Variants in ATP2C1 observed in about 807,000 individuals in gnomAD.
ATP2C1 encodes ATPase secretory pathway Ca2+ transporting 1.
ATP2C1 carries 31 observed loss-of-function variants against 120.5 expected under a neutral mutation model. The observed-to-expected ratio is 0.26, with a 90% confidence interval of 0.19 to 0.35. The LOEUF (loss-of-function observed/expected upper bound fraction) is 0.35. Ranked by LOEUF, ATP2C1 falls within the 10% of genes least tolerant of loss-of-function variation. ATP2C1 has a pLI of 1.00. For missense variants in ATP2C1, 731 were observed against 1,107.5 expected (o/e 0.66, Z 4.83); for synonymous variants, 351 against 358.7 (o/e 0.98, Z 0.24).
At chr3:130,943,947 TGGCTGTG>T (rs2060029146) in intron 8 of ATP2C1, among the ~76,000 whole-genome samples, 1 of 152,228 alleles carries the variant, frequency 6.6e-6, no homozygotes, top group Admixed American at 6.5e-5. Context: ...TGGCTCAGTT[TGGCTGTG>T]GTGATCTTTG....
At chr3:130,941,958 A>G (rs1490907696) in intron 8 of ATP2C1, among the ~76,000 whole-genome samples, 2 of 152,350 alleles carry the variant, frequency 1.3e-5, no homozygotes, top group African/African-American at 4.8e-5. Flanking sequence ...TACAAAGATG[A>G]TATGACAGAA....
At chr3:130,906,965 T>G (rs1010820854) in intron 2 of ATP2C1, among the ~76,000 whole-genome samples, 13 of 152,126 alleles carry the variant, frequency 8.5e-5, no homozygotes, top group Non-Finnish European at 1.8e-4. Context: ...TGTGATGTGC[T>G]TATTGGTTAT....
chr3:130,963,670 G>A, intron 12 of ATP2C1: 1 of 377,694 alleles, frequency 2.6e-6, no homozygotes, highest in South Asian at 2.4e-5. Flanking sequence ...GATGAGGACA[G>A]TAAACTACAG....
intron 11 of ATP2C1, among the ~76,000 whole-genome samples, 181 bp downstream of exon 11, chr3:130,956,360 A>G (rs928214287): frequency 2.6e-5 from 4 of 152,086 alleles, no homozygotes; most frequent in Admixed American, 2.6e-4. Context: ...TAGAACTCTG[A>G]TTCTTGTAAT....
At chr3:130,933,585 C>A (rs1288288399) in intron 4 of ATP2C1, among the ~76,000 whole-genome samples, 1 of 152,164 alleles carries the variant, frequency 6.6e-6, no homozygotes, top group Non-Finnish European at 1.5e-5. Flanking sequence ...TGTGGTTGGT[C>A]AGCCCTGAAC....
chr3:130,990,880 C>T (rs1397389507), intron 20 of ATP2C1, among the ~76,000 whole-genome samples: 2 of 152,120 alleles, frequency 1.3e-5, no homozygotes, highest in African/African-American at 4.8e-5. Flanking sequence ...AGCAACTGCA[C>T]ATATGTACTT....
chr3:130,872,020 C>A, intron 1 of ATP2C1, among the ~76,000 whole-genome samples: 1 of 55,664 alleles, frequency 1.8e-5, no homozygotes, highest in South Asian at 7.6e-4. Context: ...GAAACTCTGT[C>A]TCAAAAAAAA....
chr3:130,855,828 T>A (rs1233431884), intron 1 of ATP2C1: 1 of 152,228 alleles, frequency 6.6e-6, no homozygotes, highest in Non-Finnish European at 1.5e-5. Context: ...CAACTTACAC[T>A]GCCCTTCAGC....
At chr3:130,967,721 ATGTG>A (rs1224638991) in intron 16 of ATP2C1, among the ~76,000 whole-genome samples, 3 of 152,208 alleles carry the variant, frequency 2.0e-5, no homozygotes, top group Non-Finnish European at 4.4e-5. Context: ...TACTTTATAA[ATGTG>A]TGTAATTGCT....
chr3:131,001,111 A>C, intron 27 of ATP2C1, 109 bp from the exon 28 acceptor site: 2 of 845,330 alleles, frequency 2.4e-6, no homozygotes, highest in Non-Finnish European at 3.4e-6. Context: ...TCAGAAAAAA[A>C]AAAAAAAAAA....
At chr3:130,925,294 C>A (rs2059153822) in intron 2 of ATP2C1, among the ~76,000 whole-genome samples, 1 of 152,130 alleles carries the variant, frequency 6.6e-6, no homozygotes, top group South Asian at 2.1e-4. Context: ...CTCCCCTTTC[C>A]CCTAGGAATG....
intron 26 of ATP2C1, among the ~76,000 whole-genome samples, chr3:131,009,446 G>A (rs1164338671): frequency 6.6e-6 from 1 of 152,208 alleles, no homozygotes; most frequent in Non-Finnish European, 1.5e-5. Flanking sequence ...GATTGCATGT[G>A]CATTGTAGCA....
intron 26 of ATP2C1, among the ~76,000 whole-genome samples, chr3:131,010,416 G>T (rs1248853058): frequency 1.3e-5 from 2 of 151,642 alleles, no homozygotes; most frequent in Admixed American, 6.6e-5. Flanking sequence ...GGATGGTCTC[G>T]ATCTCCTGAC....
chr3:130,917,579 C>G (rs2058743140), intron 2 of ATP2C1, among the ~76,000 whole-genome samples: 1 of 152,082 alleles, frequency 6.6e-6, no homozygotes, highest in Non-Finnish European at 1.5e-5. Context: ...TTTATTTTAC[C>G]TCGACATTTA....
At chr3:130,884,023 C>T (rs1392501459) in intron 1 of ATP2C1, among the ~76,000 whole-genome samples, 8 of 147,798 alleles carry the variant, frequency 5.4e-5, no homozygotes, top group African/African-American at 2.0e-4. Flanking sequence ...CTCACTGCAA[C>T]CTCCGCCTCT....
At chr3:130,885,777 T>A (rs2107840837) in intron 1 of ATP2C1, among the ~76,000 whole-genome samples, 1 of 152,314 alleles carries the variant, frequency 6.6e-6, no homozygotes, top group South Asian at 2.1e-4. Context: ...CAATTACAGT[T>A]TGTTTTTGCA....
Position 130,996,105 on chromosome 3 carries a change from T to G in ATP2C1, c.2120T>G (p.Leu707Arg), listed in dbSNP as rs1260078473. The change falls in exon 23 of 28, where the codon CTG (leucine) becomes CGG (arginine). Residue 707 changes from leucine to arginine, a missense_variant. By Grantham distance (102) the Leu-to-Arg change is moderately radical. Around this residue, in one of 3 missense-constraint regions of ATP2C1, gnomAD observed 19 missense variants for 60.0 expected, o/e 0.32. Coordinates refer to ENST00000510168, the MANE Select transcript of ATP2C1 (RefSeq NM_001378687.1). ...NNIKNFVRFQ[L>R]STSIAALTLI... ...ATTAAAAATTTCGTTAGATTCCAGC[T>G]GAGCACGTAAGTTTGCAAGAAATTT... 1 of 1,610,268 alleles carries G rather than the reference T, an allele frequency of 6.2e-7. No individual in the cohort carries two copies. Among genetic ancestry groups the G allele is most frequent in the Non-Finnish European group, 8.5e-7 (1 of 1,176,650 alleles).
chr3:130,858,468 C>T (rs2107708159), intron 1 of ATP2C1, among the ~76,000 whole-genome samples: 1 of 152,318 alleles, frequency 6.6e-6, no homozygotes, highest in East Asian at 1.9e-4. Context: ...TTAGAGCAGC[C>T]TTTTCTGACT....
At chr3:130,959,997 G>A (rs1478332360) in intron 12 of ATP2C1, among the ~76,000 whole-genome samples, 1 of 152,056 alleles carries the variant, frequency 6.6e-6, no homozygotes, top group Non-Finnish European at 1.5e-5. Context: ...TGACACACAA[G>A]TATTTTCTCA....
Sources: gnomAD v4.1 joint callset for allele counts (sites outside exome capture counted in the v4.1 genomes callset) on GRCh38, gnomAD v4.1.1 for gene constraint, gnomAD v4.1.1 regional missense constraint, MANE v1.5 for transcripts, NCBI Gene and HGNC (gene_info 2026-07-23, HGNC 2026-07-21) for gene names.